RAB38: variants seen among roughly 807,000 people sequenced by gnomAD.
The protein encoded by RAB38 is RAB38, member RAS oncogene family.
In RAB38, 15 loss-of-function variants were observed where a neutral mutation model predicts 18.4. That is an observed-to-expected ratio of 0.82 (90% confidence interval 0.55 to 1.26). The LOEUF is 1.26. RAB38 is among the 50% of genes most tolerant of loss of function. The probability of loss-of-function intolerance (pLI) is 0.00; values close to 1 mark genes in which losing one functional copy is unlikely to be tolerated. For missense variants in RAB38, 294 were observed against 267.4 expected (o/e 1.10, Z -0.69); for synonymous variants, 101 against 104.4 (o/e 0.97, Z 0.20).
the RAB38 span, chr11:87,879,439 A>G: frequency 6.6e-6 from 1 of 151,562 alleles, no homozygotes; most frequent in Non-Finnish European, 1.5e-5. Context: ...CTATGAAAAG[A>G]CAACAACAAC....
chr11:88,055,800 A>G, the RAB38 span, among the ~76,000 whole-genome samples: 1 of 152,228 alleles, frequency 6.6e-6, no homozygotes, highest in Non-Finnish European at 1.5e-5. Flanking sequence ...TCAGCATGAG[A>G]AATTTAACAC....
At chr11:87,845,558 G>T in the RAB38 span, among the ~76,000 whole-genome samples, 1 of 152,100 alleles carries the variant, frequency 6.6e-6, no homozygotes, top group Non-Finnish European at 1.5e-5. Context: ...TGATATCAAA[G>T]ATTGAATACA....
At chr11:87,856,267 A>G in the RAB38 span, among the ~76,000 whole-genome samples, 2 of 152,070 alleles carry the variant, frequency 1.3e-5, no homozygotes, top group South Asian at 4.2e-4. Flanking sequence ...GGCACATAAA[A>G]CCATTTGAGT....
the RAB38 span, among the ~76,000 whole-genome samples, chr11:87,903,918 C>A: frequency 6.6e-6 from 1 of 151,046 alleles, no homozygotes; most frequent in African/African-American, 2.4e-5. Flanking sequence ...ATTTCATTTT[C>A]TTTTTCTTTA....
At chr11:88,022,253 T>A in the RAB38 span, among the ~76,000 whole-genome samples, 1 of 111,008 alleles carries the variant, frequency 9.0e-6, no homozygotes, top group Non-Finnish European at 1.9e-5. Flanking sequence ...ACAAGATTAT[T>A]TCAACTGATG....
chr11:88,173,980 A>G, intron 1 of RAB38: 1 of 985,482 alleles, frequency 1.0e-6, no homozygotes, highest in Non-Finnish European at 1.2e-6. Flanking sequence ...ATCAGCTAAA[A>G]TGAATCCATT....
At chr11:88,034,017 G>A in the RAB38 span, among the ~76,000 whole-genome samples, 2 of 152,218 alleles carry the variant, frequency 1.3e-5, no homozygotes, top group African/African-American at 4.8e-5. Context: ...ATGAGCCACC[G>A]CGCCCTGCAG....
chr11:88,038,780 T>C, the RAB38 span, among the ~76,000 whole-genome samples: 2 of 152,234 alleles, frequency 1.3e-5, no homozygotes, highest in Non-Finnish European at 2.9e-5. Flanking sequence ...ACATCATTTC[T>C]TGCTTAAATG....
chr11:87,817,935 G>A, the RAB38 span, among the ~76,000 whole-genome samples: 5 of 152,140 alleles, frequency 3.3e-5, no homozygotes, highest in South Asian at 2.1e-4. Flanking sequence ...ACATCCATTC[G>A]AAGTGTGAGA....
chr11:87,899,676 TTCCCCTATAAGCTCAGGAA>T, the RAB38 span, among the ~76,000 whole-genome samples: 1 of 151,582 alleles, frequency 6.6e-6, no homozygotes, highest in Non-Finnish European at 1.5e-5. Context: ...GGAACTTAGA[TTCCCCTATAAGCTCAGGAA>T]TGGCAACTTT....
chr11:88,172,924 G>A (rs1006141900), intron 1 of RAB38, among the ~76,000 whole-genome samples: 2 of 152,198 alleles, frequency 1.3e-5, no homozygotes, highest in Non-Finnish European at 2.9e-5. Context: ...TTAGAGCTCT[G>A]GGAAAAACAA....
chr11:87,941,749 T>A, the RAB38 span, among the ~76,000 whole-genome samples: 4 of 152,306 alleles, frequency 2.6e-5, no homozygotes, highest in African/African-American at 9.6e-5. Flanking sequence ...TACTGAGGCT[T>A]ATCAAGACCA....
the RAB38 span, among the ~76,000 whole-genome samples, chr11:88,033,624 C>T: frequency 6.6e-6 from 1 of 150,440 alleles, no homozygotes; most frequent in East Asian, 2.0e-4. Flanking sequence ...AGTTGTGTTT[C>T]TGTGTGTGTC....
chr11:87,912,433 T>A, the RAB38 span, among the ~76,000 whole-genome samples: 9 of 152,026 alleles, frequency 5.9e-5, no homozygotes, highest in Non-Finnish European at 1.3e-4. Flanking sequence ...TTATAGTTTG[T>A]GTCTCAAAGG....
the RAB38 span, among the ~76,000 whole-genome samples, chr11:87,843,847 G>A: frequency 3.9e-5 from 6 of 152,136 alleles, no homozygotes; most frequent in African/African-American, 9.7e-5. Flanking sequence ...AGGGTTCTGG[G>A]TAATGTAAAT....
the RAB38 span, among the ~76,000 whole-genome samples, chr11:88,046,021 C>T: frequency 6.6e-6 from 1 of 152,094 alleles, no homozygotes; most frequent in Non-Finnish European, 1.5e-5. Context: ...GCCACCTTTT[C>T]CCCCAGTTCA....
In RAB38 at chr11:88,113,867, T is replaced by A; in HGVS notation, c.*121A>T. ...CTCTCTCACTGAAAAAACAGAGGCATAGATCTTTGGCTTGCCACATGTGGT... is the reference window on the plus strand; with the variant it reads ...CTCTCTCACTGAAAAAACAGAGGCAAAGATCTTTGGCTTGCCACATGTGGT... On this transcript the variant is annotated 3_prime_UTR_variant, in exon 3 of 3. Transcript: ENST00000243662. 3 of 1,168,270 alleles carry A rather than the reference T, an allele frequency of 2.6e-6. No homozygotes were observed. Among genetic ancestry groups the A allele is most frequent in the Non-Finnish European group, 3.7e-6 (3 of 813,046 alleles). The allele number at this position is 1,168,270 out of a possible 1,614,324, so 72.4% of individuals were successfully genotyped here.
the RAB38 span, among the ~76,000 whole-genome samples, chr11:87,808,266 G>C: frequency 6.6e-6 from 1 of 152,160 alleles, no homozygotes; most frequent in Non-Finnish European, 1.5e-5. Flanking sequence ...CCCATGTTTA[G>C]TGCAGTGTTT....
At chr11:88,050,793 G>T in the RAB38 span, among the ~76,000 whole-genome samples, 160 of 152,278 alleles carry the variant, frequency 1.1e-3, 1 homozygote, top group African/African-American at 3.7e-3. Flanking sequence ...AACCTGGATA[G>T]AATGCATAGA....
Sources: gnomAD v4.1 joint callset for allele counts (sites outside exome capture counted in the v4.1 genomes callset) on GRCh38, gnomAD v4.1.1 for gene constraint, MANE v1.5 for transcripts, NCBI Gene and HGNC (gene_info 2026-07-23, HGNC 2026-07-21) for gene names.